Variants in KCND3 observed in about 807,000 individuals in gnomAD.
The protein encoded by KCND3 is A-type voltage-gated potassium channel KCND3.
A neutral mutation model predicts 51.1 loss-of-function variants in KCND3; 9 were observed. The observed-to-expected ratio is 0.18, with a 90% CI of 0.11 to 0.31. The LOEUF (loss-of-function observed/expected upper bound fraction) is 0.31, where lower values mean the gene tolerates loss of function less well. KCND3 is among the 10% of genes least tolerant of loss of function. KCND3 has a pLI of 1.00. For missense variants in KCND3, 526 were observed against 903.8 expected (o/e 0.58, Z 5.36); for synonymous variants, 349 against 368.0 (o/e 0.95, Z 0.59).
intron 2 of KCND3, among the ~76,000 whole-genome samples, chr1:111,838,817 G>A (rs181547350): frequency 1.2e-4 from 19 of 152,248 alleles, no homozygotes; most frequent in Admixed American, 5.9e-4. Flanking sequence ...TTGGAGGACA[G>A]TTTTGAAGTC....
At chr1:111,946,239 A>G (rs2018680) in intron 2 of KCND3, among the ~76,000 whole-genome samples, 1 of 152,000 alleles carries the variant, frequency 6.6e-6, no homozygotes, top group Non-Finnish European at 1.5e-5. Flanking sequence ...TCCTGTGTGC[A>G]TAGGGAGGGT....
At chr1:111,942,838 C>T (rs1672590088) in intron 2 of KCND3, among the ~76,000 whole-genome samples, 1 of 152,142 alleles carries the variant, frequency 6.6e-6, no homozygotes, top group Non-Finnish European at 1.5e-5. Context: ...GCTCTGGCTC[C>T]ATTTAAATGG....
intron 2 of KCND3, among the ~76,000 whole-genome samples, chr1:111,974,937 C>T (rs1010695410): frequency 4.6e-5 from 7 of 152,228 alleles, no homozygotes; most frequent in African/African-American, 7.2e-5. Context: ...GTGATGCTCC[C>T]GGTGTGAAGC....
In KCND3 at chr1:111,928,092, AT is replaced by A. The variant is rs199504587; in HGVS notation, c.1106+53528del. On this transcript the variant is annotated intron_variant, in intron 2 of 7. Transcript: ENST00000302127. Reference sequence around the variant, plus strand: ...CGCACTTACCACCACTGACTTTTTAATTTTTTTTTTTAGCTAACGTATCTCT... The same window carrying A: ...CGCACTTACCACCACTGACTTTTTAATTTTTTTTTTAGCTAACGTATCTCT... 1.3e-3 allele frequency among the ~76,000 whole-genome samples: 198 copies of A among 147,804 alleles called. 1 individual carries two copies. The highest frequency in any genetic ancestry group is 9.8e-3 in the East Asian group (50 of 5,084).
chr1:111,840,884 T>C (rs750089982), intron 2 of KCND3, among the ~76,000 whole-genome samples: 1 of 152,190 alleles, frequency 6.6e-6, no homozygotes, highest in Non-Finnish European at 1.5e-5. Flanking sequence ...GCACAAATAA[T>C]GCAGCAACTA....
chr1:111,881,811 A>G (rs1669340946), intron 2 of KCND3, among the ~76,000 whole-genome samples: 1 of 152,126 alleles, frequency 6.6e-6, no homozygotes, highest in African/African-American at 2.4e-5. Flanking sequence ...ACAACTGTAC[A>G]TTTCAGTGAT....
Position 111,777,249 on chromosome 1 carries a change from T to C in KCND3, c.1543A>G (p.Met515Val). 3 of 1,614,154 alleles carry C rather than the reference T, an allele frequency of 1.9e-6. No homozygotes were observed. The highest frequency in any genetic ancestry group is 8.5e-7 in the Non-Finnish European group (1 of 1,180,030). Residue 515 changes from methionine to valine, a missense_variant, in exon 7 of 8, where the codon ATG becomes GTG. By Grantham distance (21) the Met-to-Val change is conservative. Coordinates refer to ENST00000302127, the MANE Select transcript of KCND3 (RefSeq NM_001378969.1). ...CTCTCCATGCAGTTCTGCTCAAACA[T>C]CTGCTCATCAATAAACTCGTGGTTC... is the stretch of plus-strand genomic sequence containing the variant. ...IKNHEFIDEQ[M>V]FEQNCMESSM...
chr1:111,988,292 G>C (rs1366932582), intron 1 of KCND3, among the ~76,000 whole-genome samples: 1 of 152,116 alleles, frequency 6.6e-6, no homozygotes, highest in African/African-American at 2.4e-5. Flanking sequence ...ATCCTTGGGG[G>C]ACAGGCTTGG....
At chr1:111,817,959 C>T (rs191498656) in intron 2 of KCND3, among the ~76,000 whole-genome samples, 3 of 152,158 alleles carry the variant, frequency 2.0e-5, no homozygotes, top group Non-Finnish European at 2.9e-5. Flanking sequence ...GTTGTTAGTT[C>T]TTCAGCATCT....
At chr1:111,918,169 T>G (rs1303777698) in intron 2 of KCND3, among the ~76,000 whole-genome samples, 1 of 152,162 alleles carries the variant, frequency 6.6e-6, no homozygotes, top group African/African-American at 2.4e-5. Flanking sequence ...TGGCTTAGAT[T>G]TAATGAAATA....
intron 2 of KCND3, among the ~76,000 whole-genome samples, chr1:111,953,593 G>A (rs554031396): frequency 6.6e-6 from 1 of 152,360 alleles, no homozygotes; most frequent in South Asian, 2.1e-4. Flanking sequence ...CAACTGAGAA[G>A]GGAGTTGAGT....
At chr1:111,911,851 A>C (rs1377235763) in intron 2 of KCND3, among the ~76,000 whole-genome samples, 2 of 152,222 alleles carry the variant, frequency 1.3e-5, no homozygotes, top group Admixed American at 6.5e-5. Flanking sequence ...TCCTTGAGAG[A>C]GGTGAATCAA....
At chr1:111,948,235 G>A (rs569577840) in intron 2 of KCND3, among the ~76,000 whole-genome samples, 1 of 152,314 alleles carries the variant, frequency 6.6e-6, no homozygotes, top group African/African-American at 2.4e-5. Flanking sequence ...AAGCCACGGG[G>A]CTGGTGCTGG....
chr1:111,868,285 G>A (rs1187619824), intron 2 of KCND3, among the ~76,000 whole-genome samples: 2 of 152,170 alleles, frequency 1.3e-5, no homozygotes, highest in Admixed American at 6.5e-5. Flanking sequence ...CAGCACATCC[G>A]CTGTCCACGC....
At chr1:111,891,980 C>CTGTG (rs35910937) in intron 2 of KCND3, among the ~76,000 whole-genome samples, 92 of 147,134 alleles carry the variant, frequency 6.3e-4, no homozygotes, top group East Asian at 2.6e-3. Flanking sequence ...GTGTGTGTGT[C>CTGTG]TGTGTGTGTG....
In KCND3 at chr1:111,819,865, A is replaced by T. The variant is rs561456380; in HGVS notation, c.1107-32759T>A. Among the ~76,000 whole-genome samples, 91 of 152,272 alleles carry T rather than the reference A, an allele frequency of 6.0e-4. 4 individuals carry two copies. The South Asian group carries it at 0.019, about 31-fold the overall frequency. ...GACCGGCCAAGCCATGACTGAGTCC[A>T]AGGATGCTTTCCACCACCCACCTTC... On this transcript the variant is annotated intron_variant, in intron 2 of 7. Transcript: ENST00000302127.
At chr1:111,778,974 C>T (rs909668328) in intron 5 of KCND3, among the ~76,000 whole-genome samples, 1 of 152,302 alleles carries the variant, frequency 6.6e-6, no homozygotes, top group African/African-American at 2.4e-5. Context: ...CCACCCAGCA[C>T]ATGCAACTTG....
At chr1:111,906,733 C>T (rs1301268881) in intron 2 of KCND3, among the ~76,000 whole-genome samples, 1 of 152,146 alleles carries the variant, frequency 6.6e-6, no homozygotes, top group East Asian at 1.9e-4. Context: ...ATCATTCATT[C>T]TTTCCTTATT....
At chr1:111,885,632 A>G (rs1004669604) in intron 2 of KCND3, among the ~76,000 whole-genome samples, 1 of 152,098 alleles carries the variant, frequency 6.6e-6, no homozygotes, top group Non-Finnish European at 1.5e-5. Context: ...ATGAGAAACA[A>G]GTGTGGTACG....
Sources: gnomAD v4.1 joint callset for allele counts (sites outside exome capture counted in the v4.1 genomes callset) on GRCh38, gnomAD v4.1.1 for gene constraint, MANE v1.5 for transcripts, NCBI Gene and HGNC (gene_info 2026-07-23, HGNC 2026-07-21) for gene names.